Variants in FREM1 observed in about 807,000 individuals in gnomAD.
FREM1 encodes the protein FRAS1 related extracellular matrix 1, also known as FRAS1-related extracellular matrix protein 1.
A neutral mutation model predicts 210.1 loss-of-function variants in FREM1; 220 were observed. The ratio of observed to expected loss-of-function variants is 1.05; its 90% confidence interval spans 0.94 to 1.17. The LOEUF (loss-of-function observed/expected upper bound fraction) is 1.17. Ranked by LOEUF, FREM1 falls within the 50% of genes most tolerant of loss-of-function variation. The pLI is 0.00. For synonymous variants in FREM1, 1,189 were observed against 980.2 expected, an observed-to-expected ratio of 1.21 and a Z score of -3.98; for missense variants, 3,454 against 2,675.5, an observed-to-expected ratio of 1.29 and a Z score of -6.42.
intron 8 of FREM1, among the ~76,000 whole-genome samples, chr9:14,843,645 A>G (rs1826084346): frequency 6.6e-6 from 1 of 152,214 alleles, no homozygotes; most frequent in African/African-American, 2.4e-5. Flanking sequence ...AAGCAACAGT[A>G]AGCCTACAAT....
intron 25 of FREM1, chr9:14,774,232 AG>A (rs1405780675): frequency 4.0e-6 from 2 of 504,822 alleles, no homozygotes; most frequent in African/African-American, 3.9e-5. Flanking sequence ...TCAACTTTGC[AG>A]GGTGTGTATT....
intron 10 of FREM1, among the ~76,000 whole-genome samples, chr9:14,834,864 C>T (rs182355607): frequency 1.5e-4 from 23 of 150,816 alleles, no homozygotes; most frequent in Admixed American, 5.3e-4. Flanking sequence ...TTGTAAACCA[C>T]GAAGATAAAT....
chr9:14,767,690 C>G (rs569943645), intron 27 of FREM1, among the ~76,000 whole-genome samples: 2 of 152,080 alleles, frequency 1.3e-5, no homozygotes, highest in Non-Finnish European at 2.9e-5. Context: ...AAATTGTGCA[C>G]CTAGTTCCAA....
chr9:14,859,566 G>A, intron 3 of FREM1, 82 bp from the exon 4 acceptor site: 1 of 1,220,344 alleles, frequency 8.2e-7, no homozygotes. Context: ...GAAGACTAAA[G>A]ATTGGCCTTC....
chr9:14,845,241 C>T (rs186385235), intron 8 of FREM1, among the ~76,000 whole-genome samples: 50 of 152,304 alleles, frequency 3.3e-4, no homozygotes, highest in African/African-American at 1.2e-3. Context: ...TAAACCATGA[C>T]AACTACTACT....
intron 21 of FREM1, 150 bp downstream of exon 21, chr9:14,797,348 G>C (rs767488590): frequency 2.0e-6 from 1 of 512,368 alleles, no homozygotes; most frequent in Non-Finnish European, 3.4e-6. Context: ...TTGCACTAAA[G>C]GTTCCTCATG....
chr9:14,776,927 A>T (rs921322128), intron 24 of FREM1, among the ~76,000 whole-genome samples: 2 of 152,216 alleles, frequency 1.3e-5, no homozygotes, highest in African/African-American at 4.8e-5. Context: ...AAGACAGATG[A>T]GAGTTATGCT....
rs765526715 is a variant in FREM1, at chr9:14,842,491, G to A, written c.1563C>T (p.Pro521=). The change falls in exon 9 of 37, where the codon CCC becomes CCT. Residue 521 remains proline, a synonymous_variant. Transcript: ENST00000380880. ...TCACAACATTGGTTATGAGGAACGG[G>A]GGACTATCATCTTTGGGCAAGACGT... ...PINVLPKDDS[P]PFLITNVVIE... 5 of 1,614,050 alleles carry A rather than the reference G, an allele frequency of 3.1e-6. No individual in the cohort carries two copies. The highest frequency in any genetic ancestry group is 4.2e-6 in the Non-Finnish European group (5 of 1,179,894).
chr9:14,907,511 G>A (rs1448398199), intron 1 of FREM1, among the ~76,000 whole-genome samples: 1 of 152,172 alleles, frequency 6.6e-6, no homozygotes, highest in African/African-American at 2.4e-5. Flanking sequence ...AGACCACCCA[G>A]CTCTCCAAAG....
At chr9:14,898,992 GTT>G (rs1489293526) in intron 1 of FREM1, among the ~76,000 whole-genome samples, 2 of 152,224 alleles carry the variant, frequency 1.3e-5, no homozygotes, top group Non-Finnish European at 2.9e-5. Context: ...AAAGTTGTGA[GTT>G]GAGCCATCTT....
chr9:14,870,851 GT>G (rs1284595679), intron 1 of FREM1, among the ~76,000 whole-genome samples: 1 of 131,816 alleles, frequency 7.6e-6, no homozygotes. Context: ...TCCCCTTCCT[GT>G]GTCCATGTGT....
chr9:14,780,332 A>G (rs1193516990), intron 24 of FREM1, among the ~76,000 whole-genome samples: 1 of 151,050 alleles, frequency 6.6e-6, no homozygotes, highest in African/African-American at 2.4e-5. Context: ...GGTGCTTTCA[A>G]GCTTTCTGCA....
chr9:14,845,596 C>T (rs901250892), intron 8 of FREM1, among the ~76,000 whole-genome samples: 4 of 152,172 alleles, frequency 2.6e-5, no homozygotes, highest in Non-Finnish European at 4.4e-5. Context: ...TGAGCCACTG[C>T]GCTCGGCCTA....
At chr9:14,789,361 A>G (rs186788045) in intron 22 of FREM1, among the ~76,000 whole-genome samples, 1 of 152,304 alleles carries the variant, frequency 6.6e-6, no homozygotes, top group Non-Finnish European at 1.5e-5. Context: ...ACAATTCAAC[A>G]GCATTGTTAC....
chr9:14,757,689 C>T (rs555683444), intron 28 of FREM1, among the ~76,000 whole-genome samples: 1 of 152,312 alleles, frequency 6.6e-6, no homozygotes, highest in East Asian at 1.9e-4. Context: ...TAATATATTT[C>T]TGTACCTTCT....
chr9:14,770,498 TG>T, intron 26 of FREM1, 106 bp downstream of exon 26: 2 of 772,406 alleles, frequency 2.6e-6, no homozygotes, highest in Non-Finnish European at 2.2e-6. Context: ...CAGTAAGCCC[TG>T]GGGAGTGTTT....
intron 1 of FREM1, among the ~76,000 whole-genome samples, chr9:14,881,292 C>G (rs1316415003): frequency 6.6e-6 from 1 of 152,194 alleles, no homozygotes; most frequent in Non-Finnish European, 1.5e-5. Flanking sequence ...GTCAGCCTGT[C>G]TCTAGACCAG....
intron 1 of FREM1, among the ~76,000 whole-genome samples, chr9:14,909,044 C>T (rs553941380): frequency 1.4e-4 from 22 of 152,150 alleles, no homozygotes; most frequent in African/African-American, 3.4e-4. Flanking sequence ...GAAGAGCATT[C>T]GAATCACTAG....
In FREM1 at chr9:14,842,304, C is replaced by T; in HGVS notation, c.1738+12G>A. 2 of 1,501,918 alleles carry T rather than the reference C, an allele frequency of 1.3e-6. No homozygotes were observed. Among genetic ancestry groups the T allele is most frequent in the Non-Finnish European group, 1.8e-6 (2 of 1,105,342 alleles). 93.0% of individuals were successfully genotyped at this position (1,501,918 alleles called of 1,614,324 possible). A position where few individuals can be genotyped will look rare whatever the true frequency, so the allele number is the denominator to read the frequency against. ...AATTCCATTCAAATGATCTTAACTG[C>T]CCAGAACTTACCTATCAGTCCTGGC... On this transcript the variant is annotated intron_variant, in intron 9 of 36. Coordinates refer to ENST00000380880, the MANE Select transcript of FREM1 (RefSeq NM_001379081.2).
Sources: allele counts gnomAD v4.1 joint callset (sites outside exome capture counted in the v4.1 genomes callset), GRCh38; gene constraint gnomAD v4.1.1; transcripts MANE v1.5; gene names NCBI Gene and HGNC (gene_info 2026-07-23, HGNC 2026-07-21).